Variants in CABLES1 observed in about 807,000 individuals in gnomAD.
The protein encoded by CABLES1 is CDK5 and ABL1 enzyme substrate 1.
A neutral mutation model predicts 57.8 loss-of-function variants in CABLES1; 36 were observed. The ratio of observed to expected loss-of-function variants is 0.62; its 90% CI spans 0.48 to 0.82. The LOEUF is 0.82. Ranked by LOEUF, CABLES1 falls within the 40% of genes least tolerant of loss-of-function variation. CABLES1 has a pLI of 0.00. For missense variants in CABLES1, 767 were observed against 836.6 expected (o/e 0.92, Z 1.03); for synonymous variants, 374 against 363.0 (o/e 1.03, Z -0.35).
chr18:23,166,178 T>G (rs959272878), intron 1 of CABLES1, among the ~76,000 whole-genome samples: 3 of 152,160 alleles, frequency 2.0e-5, no homozygotes, highest in African/African-American at 7.2e-5. Context: ...TATGTATTTA[T>G]ATCTCTATGT....
At chr18:23,144,404 C>G (rs1335997768) in intron 1 of CABLES1, among the ~76,000 whole-genome samples, 2 of 152,246 alleles carry the variant, frequency 1.3e-5, no homozygotes, top group East Asian at 1.9e-4. Flanking sequence ...GCTCCTGACT[C>G]TTAATTTGCT....
At chr18:23,155,363 AC>A (rs2046958706) in intron 1 of CABLES1, among the ~76,000 whole-genome samples, 1 of 152,224 alleles carries the variant, frequency 6.6e-6, no homozygotes, top group Non-Finnish European at 1.5e-5. Context: ...GAGTTGGGAA[AC>A]AAATCACTTT....
At chr18:23,190,080 G>A (rs2047230703) in intron 2 of CABLES1, among the ~76,000 whole-genome samples, 1 of 152,212 alleles carries the variant, frequency 6.6e-6, no homozygotes, top group Admixed American at 6.5e-5. Flanking sequence ...ACGCGGCCTG[G>A]GAACAAGTGT....
chr18:23,146,257 C>T (rs562663402), intron 1 of CABLES1, among the ~76,000 whole-genome samples: 12 of 152,258 alleles, frequency 7.9e-5, no homozygotes, highest in Non-Finnish European at 1.5e-4. Context: ...AGGACAAAAA[C>T]TGGCATGTTA....
At chr18:23,155,627 T>G (rs1158269969) in intron 1 of CABLES1, among the ~76,000 whole-genome samples, 1 of 152,224 alleles carries the variant, frequency 6.6e-6, no homozygotes. Flanking sequence ...AGCTGGTAGC[T>G]TCATTTCCAT....
At chr18:23,221,953 A>G (rs1470926027) in intron 4 of CABLES1, among the ~76,000 whole-genome samples, 3 of 152,206 alleles carry the variant, frequency 2.0e-5, no homozygotes, top group Non-Finnish European at 2.9e-5. Flanking sequence ...GTCGCTAAGA[A>G]GCTTAGAAGG....
chr18:23,190,781 TA>T (rs1337987889), intron 2 of CABLES1, among the ~76,000 whole-genome samples: 2 of 152,030 alleles, frequency 1.3e-5, no homozygotes, highest in Non-Finnish European at 2.9e-5. Flanking sequence ...TTTTTTGATT[TA>T]AAAAAGTTCT....
At chr18:23,150,472 T>C (rs1230849614) in intron 1 of CABLES1, among the ~76,000 whole-genome samples, 1 of 152,094 alleles carries the variant, frequency 6.6e-6, no homozygotes, top group Non-Finnish European at 1.5e-5. Context: ...CACCTCGGCC[T>C]CCCAAAGTGC....
chr18:23,202,499 G>A (rs1290356224), intron 3 of CABLES1, among the ~76,000 whole-genome samples: 2 of 152,166 alleles, frequency 1.3e-5, no homozygotes, highest in Non-Finnish European at 2.9e-5. Flanking sequence ...AGTCACCATG[G>A]GCTCTAACCT....
At chr18:23,180,131 C>T (rs2047154700) in intron 1 of CABLES1, among the ~76,000 whole-genome samples, 1 of 152,072 alleles carries the variant, frequency 6.6e-6, no homozygotes, top group Admixed American at 6.6e-5. Flanking sequence ...CCGTGTTAGC[C>T]AGGATGGTCT....
At chr18:23,216,889 T>G (rs2047446232) in intron 4 of CABLES1, among the ~76,000 whole-genome samples, 1 of 152,122 alleles carries the variant, frequency 6.6e-6, no homozygotes, top group African/African-American at 2.4e-5. Flanking sequence ...GCCTCCTGTG[T>G]TGCAGAAAGG....
intron 1 of CABLES1, among the ~76,000 whole-genome samples, chr18:23,163,962 G>A (rs185259817): frequency 4.6e-5 from 7 of 152,232 alleles, no homozygotes; most frequent in African/African-American, 1.7e-4. Context: ...TTCTACTGAT[G>A]GGCAAACTGA....
chr18:23,229,326 C>T (rs558651967), intron 4 of CABLES1, among the ~76,000 whole-genome samples: 2 of 152,236 alleles, frequency 1.3e-5, no homozygotes, highest in African/African-American at 4.8e-5. Flanking sequence ...GCAGGAGAAT[C>T]GCTTGAACCT....
chr18:23,140,572 G>A (rs1244130552), intron 1 of CABLES1, among the ~76,000 whole-genome samples: 2 of 152,224 alleles, frequency 1.3e-5, no homozygotes, highest in South Asian at 4.1e-4. Flanking sequence ...GAGTAACTGG[G>A]ACTACAGGCG....
chr18:23,173,165 T>C (rs1598811032), intron 1 of CABLES1, among the ~76,000 whole-genome samples: 1 of 152,114 alleles, frequency 6.6e-6, no homozygotes, highest in African/African-American at 2.4e-5. Flanking sequence ...CTCTGATGGG[T>C]GGCTGGGGAT....
chr18:23,231,603 G>C (rs2047567451), intron 4 of CABLES1, among the ~76,000 whole-genome samples: 1 of 152,188 alleles, frequency 6.6e-6, no homozygotes, highest in South Asian at 2.1e-4. Context: ...CCAGTTCTGT[G>C]GGTAGGGTTG....
chr18:23,136,906 C>G (rs990280402), intron 1 of CABLES1, among the ~76,000 whole-genome samples: 1 of 152,244 alleles, frequency 6.6e-6, no homozygotes, highest in Non-Finnish European at 1.5e-5. Context: ...TCCGAGCCTC[C>G]CCACACGAGA....
At position 23,258,997 on chromosome 18, in the gene CABLES1, GT is replaced by G. The variant is rs3833734; in HGVS notation, c.*1631del. On this transcript the variant is annotated 3_prime_UTR_variant, in exon 10 of 10. Transcript: ENST00000256925. ...CAGTTGTAAGACAGTGATTTGGGTG[GT>G]GGGGGGAGGGAGGAGGGAGAGGATA... The G allele has an allele frequency of 0.09, 13,466 of 150,388 alleles. 678 individuals are homozygous for G. The highest frequency in any genetic ancestry group is 0.17 in the East Asian group (847 of 5,030). 9.3% of individuals were successfully genotyped at this position (150,388 alleles called of 1,614,324 possible).
At chr18:23,140,195 G>A (rs1038480941) in intron 1 of CABLES1, among the ~76,000 whole-genome samples, 1 of 152,172 alleles carries the variant, frequency 6.6e-6, no homozygotes, top group Non-Finnish European at 1.5e-5. Context: ...TGGTGCATCT[G>A]GAAGGTGTTA....
Sources: allele counts gnomAD v4.1 joint callset (sites outside exome capture counted in the v4.1 genomes callset), GRCh38; gene constraint gnomAD v4.1.1; transcripts MANE v1.5; gene names NCBI Gene and HGNC (gene_info 2026-07-23, HGNC 2026-07-21).